The following TRIM37 variants were observed in gnomAD, a reference collection of about 807,000 sequenced individuals.
TRIM37 encodes tripartite motif containing 37, also known as E3 ubiquitin-protein ligase TRIM37.
Under a neutral mutation model 129.8 loss-of-function variants are expected in TRIM37, and 80 were observed. The observed-to-expected ratio is 0.62, with a 90% confidence interval of 0.51 to 0.74. TRIM37 has a LOEUF of 0.74. Ranked by LOEUF, TRIM37 falls within the 30% of genes least tolerant of loss-of-function variation. The pLI, the probability that TRIM37 is intolerant of heterozygous loss-of-function variation, is 0.00. For synonymous variants in TRIM37, 389 were observed against 387.1 expected (o/e 1.00, Z -0.06); for missense variants, 1,054 against 1,176.5 (o/e 0.90, Z 1.52).
chr17:59,052,877 T>C (rs912070555), intron 13 of TRIM37, among the ~76,000 whole-genome samples: 6 of 151,878 alleles, frequency 4.0e-5, no homozygotes, highest in African/African-American at 1.5e-4. Flanking sequence ...ATCGCTTGAA[T>C]CTGGGAGGCA....
chr17:59,062,685 A>C (rs1479275064), intron 10 of TRIM37, 37 bp from the exon 11 acceptor site: 1 of 1,577,588 alleles, frequency 6.3e-7, no homozygotes, highest in Admixed American at 1.7e-5. Flanking sequence ...CCCAAGATCA[A>C]AACTGTTGTG....
intron 13 of TRIM37, among the ~76,000 whole-genome samples, chr17:59,055,743 G>A (rs1252525992): frequency 6.6e-6 from 1 of 151,574 alleles, no homozygotes; most frequent in Admixed American, 6.6e-5. Flanking sequence ...TATAACGAGG[G>A]GTAACAACAA....
chr17:59,093,517 C>T (rs2044583749), intron 2 of TRIM37, among the ~76,000 whole-genome samples: 1 of 152,232 alleles, frequency 6.6e-6, no homozygotes, highest in Non-Finnish European at 1.5e-5. Flanking sequence ...ACTCTGCAGA[C>T]TATTTTAGAT....
In TRIM37 at chr17:59,061,110, T is replaced by G; in HGVS notation, c.943-2A>C. 3 of 1,612,942 alleles carry G rather than the reference T, an allele frequency of 1.9e-6. No individual in the cohort carries two copies. The highest frequency in any genetic ancestry group is 2.5e-6 in the Non-Finnish European group (3 of 1,179,184). ...ACCTCGCACAACTCCATTTCCATCC[T>G]AAAAGAAGAATAATCAGTTTGAGTG... On this transcript the variant is annotated splice_acceptor_variant, in intron 11 of 23. Transcript: ENST00000262294. LOFTEE classifies it high-confidence loss of function.
intron 12 of TRIM37, among the ~76,000 whole-genome samples, 195 bp downstream of exon 12, chr17:59,060,837 A>C (rs1193737372): frequency 6.6e-6 from 1 of 152,212 alleles, no homozygotes; most frequent in East Asian, 1.9e-4. Flanking sequence ...ATTTCTAAAA[A>C]CGCAAAGCAA....
intron 16 of TRIM37, among the ~76,000 whole-genome samples, chr17:59,046,598 G>A (rs1487206205): frequency 6.0e-5 from 9 of 151,022 alleles, no homozygotes; most frequent in South Asian, 2.1e-4. Context: ...GTGCCGTGGC[G>A]TGATCTTAGC....
chr17:59,106,404 G>A (rs768124356), intron 1 of TRIM37, 37 bp downstream of exon 1: 1 of 1,613,684 alleles, frequency 6.2e-7, no homozygotes, highest in Admixed American at 1.7e-5. Context: ...CATCGGGTGG[G>A]GGCGGGGACT....
Position 59,057,040 on chromosome 17 carries a change from A to G in TRIM37, c.1034T>C (p.Val345Ala). 1 of 1,613,814 alleles carries G rather than the reference A, an allele frequency of 6.2e-7. No homozygotes were observed. The highest frequency in any genetic ancestry group is 8.5e-7 in the Non-Finnish European group (1 of 1,179,860). Residue 345 changes from valine (V) to alanine (A), a missense_variant, in exon 13 of 24, where the codon GTA (valine) becomes GCA (alanine). By Grantham distance (64) the Val-to-Ala change is moderately conservative. Transcript: ENST00000262294. ...ATTACAGGACTGGTGAACCATCTCT[A>G]CACGATATTCATATCTAAAATTGAA... is the stretch of plus-strand genomic sequence containing the variant. ...LPETSKYEYRVEMVHQSCNDP... is the reference protein window; with the variant it reads ...LPETSKYEYRAEMVHQSCNDP...
intron 19 of TRIM37, among the ~76,000 whole-genome samples, chr17:59,026,668 C>T (rs958774271): frequency 6.6e-6 from 1 of 152,060 alleles, no homozygotes; most frequent in African/African-American, 2.4e-5. Flanking sequence ...AACTATTGAC[C>T]CCGCACCTCC....
intron 2 of TRIM37, 37 bp downstream of exon 2, chr17:59,104,256 T>C: frequency 1.3e-6 from 2 of 1,549,072 alleles, no homozygotes; most frequent in Non-Finnish European, 1.8e-6. Flanking sequence ...ATATATACTA[T>C]ATATACTAAC....
chr17:59,090,872 C>A (rs1265873883), intron 3 of TRIM37, among the ~76,000 whole-genome samples: 1 of 152,082 alleles, frequency 6.6e-6, no homozygotes, highest in Non-Finnish European at 1.5e-5. Flanking sequence ...GTGATCCAGC[C>A]GCCTTGGCCT....
intron 24 of TRIM37, chr17:58,984,301 CTG>C (rs1466257456): frequency 6.6e-6 from 1 of 152,636 alleles, no homozygotes; most frequent in Non-Finnish European, 1.5e-5. Flanking sequence ...TGTTGAAACA[CTG>C]TGCCAGTGAG....
chr17:59,009,685 A>G (rs565652297), intron 22 of TRIM37, among the ~76,000 whole-genome samples: 1 of 152,244 alleles, frequency 6.6e-6, no homozygotes, highest in African/African-American at 2.4e-5. Flanking sequence ...AACTCAGGTG[A>G]TCCACCCTCC....
chr17:59,084,099 A>G lies in TRIM37; in HGVS notation c.282-10T>C, dbSNP rs755773009. The G allele has an allele frequency of 6.3e-7, 1 of 1,599,370 alleles. No homozygotes were observed. Among genetic ancestry groups the G allele is most frequent in the Non-Finnish European group, 8.6e-7 (1 of 1,167,764 alleles). ...ATGGTGATTTTCACATCTATACATT[A>G]TGAAAAGAAAATGAAGTTATAAATT... is the stretch of plus-strand genomic sequence containing the variant. On this transcript the variant is annotated splice_polypyrimidine_tract_variant and intron_variant, in intron 4 of 23. Coordinates refer to ENST00000262294, the MANE Select transcript of TRIM37 (RefSeq NM_015294.6).
the TRIM37 span, among the ~76,000 whole-genome samples, chr17:58,967,975 T>G: frequency 4.6e-5 from 7 of 152,148 alleles, no homozygotes; most frequent in African/African-American, 1.7e-4. Flanking sequence ...AGCTAATTTT[T>G]GTATTTTTAG....
intron 22 of TRIM37, among the ~76,000 whole-genome samples, chr17:59,007,201 ACAC>A (rs2034620071): frequency 4.3e-5 from 3 of 69,692 alleles, no homozygotes; most frequent in Non-Finnish European, 7.6e-5. Context: ...ACACACACAC[ACAC>A]ACTAAAACCA....
intron 24 of TRIM37, among the ~76,000 whole-genome samples, chr17:58,988,396 T>TC (rs1291641883): frequency 6.6e-6 from 1 of 151,988 alleles, no homozygotes; most frequent in Non-Finnish European, 1.5e-5. Flanking sequence ...AAAAGCACCC[T>TC]ATGAGGGAAA....
intron 4 of TRIM37, among the ~76,000 whole-genome samples, chr17:59,087,390 C>T (rs1316186357): frequency 3.3e-5 from 5 of 151,850 alleles, no homozygotes; most frequent in African/African-American, 7.3e-5. Context: ...CCACCACACC[C>T]GCCCGAATAG....
At chr17:59,023,930 C>T (rs1419069949) in intron 19 of TRIM37, among the ~76,000 whole-genome samples, 1 of 151,820 alleles carries the variant, frequency 6.6e-6, no homozygotes, top group African/African-American at 2.4e-5. Context: ...ACAAATTCAC[C>T]AGGCCAGGTG....
Sources: allele counts gnomAD v4.1 joint callset (sites outside exome capture counted in the v4.1 genomes callset), GRCh38; gene constraint gnomAD v4.1.1; transcripts MANE v1.5; gene names NCBI Gene and HGNC (gene_info 2026-07-23, HGNC 2026-07-21).